Variants in CFAP92 observed in about 807,000 individuals in gnomAD.
The protein encoded by CFAP92 is cilia and flagella associated protein 92 (putative), also known as uncharacterized protein CFAP92.
CFAP92 carries 86 observed loss-of-function variants against 106.3 expected under a neutral mutation model. The observed-to-expected ratio is 0.81, with a 90% CI of 0.68 to 0.97. The LOEUF (loss-of-function observed/expected upper bound fraction) is 0.97, where lower values mean the gene tolerates loss of function less well. CFAP92 is among the 50% of genes least tolerant of loss of function. The pLI, the probability that CFAP92 is intolerant of heterozygous loss-of-function variation, is 0.00. For missense variants in CFAP92, 1,204 were observed against 1,283.8 expected, an observed-to-expected ratio of 0.94 and a Z score of 0.95; for synonymous variants, 477 against 506.4, an observed-to-expected ratio of 0.94 and a Z score of 0.78.
At chr3:128,912,834 G>A in intron 15 of CFAP92, 1 of 690,990 alleles carries the variant, frequency 1.4e-6, no homozygotes, top group African/African-American at 1.7e-5. Flanking sequence ...GAGCCGGAGA[G>A]AGAGAATGGA....
At chr3:129,012,293 G>T in the CFAP92 span, among the ~76,000 whole-genome samples, 1 of 152,188 alleles carries the variant, frequency 6.6e-6, no homozygotes, top group Non-Finnish European at 1.5e-5. Flanking sequence ...TTAGAATGAT[G>T]CCTGGCACAT....
chr3:128,945,575 G>T lies in CFAP92; in HGVS notation c.1754C>A (p.Pro585His), dbSNP rs1325111175. 6.5e-7 allele frequency: 1 copy of T among 1,536,008 alleles called. No homozygotes were observed. The highest frequency in any genetic ancestry group is 2.4e-5 in the East Asian group (1 of 40,922). Reference sequence around the variant, plus strand: ...GGGCTGAACCTCACAGCTGTGGATGGGGACGGCCAGATTCAAGTACTTGTG... The same window carrying T: ...GGGCTGAACCTCACAGCTGTGGATGTGGACGGCCAGATTCAAGTACTTGTG... ...LGHKYLNLAV[P>H]IHSCEVQPTH... Residue 585 changes from proline (P) to histidine (H), a missense_variant, in exon 10 of 16, where the codon CCC (proline) becomes CAC (histidine). By Grantham distance (77) the Pro-to-His change is moderately conservative. Coordinates refer to ENST00000645291, the MANE Select transcript of CFAP92 (RefSeq NM_001394090.1).
the CFAP92 span, among the ~76,000 whole-genome samples, chr3:129,026,104 A>T: frequency 6.6e-5 from 10 of 152,250 alleles, no homozygotes; most frequent in Non-Finnish European, 1.2e-4. Context: ...GGTTTTCATG[A>T]GGAAGATGTT....
chr3:128,912,531 A>G (rs762053914), intron 15 of CFAP92: 2 of 1,613,988 alleles, frequency 1.2e-6, no homozygotes, highest in East Asian at 2.2e-5. Context: ...CTAGATGAGC[A>G]GATTAAGAAA....
chr3:128,980,692 T>C (rs553531496), intron 4 of CFAP92, among the ~76,000 whole-genome samples: 4 of 152,364 alleles, frequency 2.6e-5, no homozygotes, highest in East Asian at 1.9e-4. Context: ...ATTTCAACAA[T>C]GTTCACAGCC....
At position 128,910,032 on chromosome 3, in the gene CFAP92, G is replaced by T; in HGVS notation, c.*267C>A. 6.2e-7 allele frequency: 1 copy of T among 1,613,702 alleles called. No individual in the cohort carries two copies. On this transcript the variant is annotated 3_prime_UTR_variant, in exon 16 of 16. Transcript: ENST00000645291. ...CTCTGTGATCCCAGACCATCATGGA[G>T]GAGCAGCTGGTACTGAAGCGGGTGG...
At chr3:128,913,028 C>G (rs1345914934) in intron 15 of CFAP92, 5 of 457,612 alleles carry the variant, frequency 1.1e-5, no homozygotes, top group Non-Finnish European at 2.2e-5. Flanking sequence ...CTGGGTCATT[C>G]ATTTAAACTA....
the CFAP92 span, among the ~76,000 whole-genome samples, chr3:129,017,734 AGGGATAATCCCGTCT>A: frequency 7.1e-6 from 1 of 139,968 alleles, no homozygotes; most frequent in Non-Finnish European, 1.5e-5. Flanking sequence ...GTGATTAGAC[AGGGATAATCCCGTCT>A]TCTGGTCAGC....
chr3:129,024,741 G>A, the CFAP92 span, among the ~76,000 whole-genome samples: 1 of 152,040 alleles, frequency 6.6e-6, no homozygotes, highest in African/African-American at 2.4e-5. Context: ...GGATCCACTC[G>A]TGAGGGCAGA....
chr3:128,930,968 G>A (rs551407456), intron 12 of CFAP92, among the ~76,000 whole-genome samples: 12 of 152,014 alleles, frequency 7.9e-5, no homozygotes, highest in African/African-American at 2.4e-4. Flanking sequence ...ATGCAGTGGC[G>A]CGATCTTGGC....
In CFAP92 at chr3:128,925,562, G is replaced by T. The variant is rs1937590018; in HGVS notation, c.2751+7138C>A. Among the ~76,000 whole-genome samples the T allele has an allele frequency of 2.6e-5, 4 of 152,312 alleles. No individual in the cohort carries two copies. In the South Asian group the frequency reaches 8.3e-4, roughly 32 times the overall value. ...AGTATGAGATGTATAAGTAATATCA[G>T]ATGCAGATCATGGTGAAAATATCTA... On this transcript the variant is annotated intron_variant, in intron 12 of 15. Coordinates refer to ENST00000645291, the MANE Select transcript of CFAP92 (RefSeq NM_001394090.1).
chr3:128,943,920 GT>G (rs768570835), intron 10 of CFAP92, among the ~76,000 whole-genome samples: 27,594 of 110,402 alleles, frequency 0.25, 3,227 homozygotes, highest in East Asian at 0.57. Context: ...TATTTCCCCC[GT>G]TTTTTTTTTT....
rs555050478 is a variant in CFAP92, at chr3:128,957,759, C to A, written c.1353+7752G>T. Among the ~76,000 whole-genome samples the A allele has an allele frequency of 4.0e-4, 61 of 152,284 alleles. 1 individual carries two copies. Among genetic ancestry groups the A allele is most frequent in the African/African-American group, 1.4e-3 (60 of 41,558 alleles). ...ATTATCCTGGAGTGGGGGAGAAGGCCAGTCTCAAAAGGTCACATGCTGGAT... is the reference window on the plus strand; with the variant it reads ...ATTATCCTGGAGTGGGGGAGAAGGCAAGTCTCAAAAGGTCACATGCTGGAT... On this transcript the variant is annotated intron_variant, in intron 9 of 15. Transcript: ENST00000645291.
chr3:128,939,505 C>T (rs978206198), intron 10 of CFAP92, among the ~76,000 whole-genome samples: 1 of 152,052 alleles, frequency 6.6e-6, no homozygotes, highest in Non-Finnish European at 1.5e-5. Flanking sequence ...AAGTATAATT[C>T]AATAGTTTTT....
chr3:128,932,244 ACAGCACCAGCCTTCTACCCCCT>A, intron 12 of CFAP92, among the ~76,000 whole-genome samples: 1 of 152,104 alleles, frequency 6.6e-6, no homozygotes, highest in Non-Finnish European at 1.5e-5. Flanking sequence ...TTCAGGCCAC[ACAGCACCAGCCTTCTACCCCCT>A]CACCAGCTTC....
In CFAP92 at chr3:128,915,125, C is replaced by T. The variant is rs149770595; in HGVS notation, c.3274G>A (p.Val1092Ile). 2.1e-5 allele frequency: 32 copies of T among 1,535,886 alleles called. 1 individual carries two copies. In the East Asian group the frequency reaches 7.6e-4, roughly 36 times the overall value. ...ELLPSPAPKP[V>I]TVRKKKGNSP... Reference sequence around the variant, plus strand: ...GCAAACCCTTGCCTGTTACCTGTTACAGGCTTTGGTGCGGGCGAAGGGAGC... The same window carrying T: ...GCAAACCCTTGCCTGTTACCTGTTATAGGCTTTGGTGCGGGCGAAGGGAGC... Residue 1092 changes from valine (V) to isoleucine (I), a missense_variant, in exon 15 of 16, where the codon GTA becomes ATA. Coordinates refer to ENST00000645291, the MANE Select transcript of CFAP92 (RefSeq NM_001394090.1).
rs1936725819 is a variant in CFAP92, at chr3:128,915,378, T to C, written c.3102A>G (p.Pro1034=). The part of the protein sequence containing the change: ...TESSFQDLKL[P]PIKELNEEWK... ...GGACCTCATTCAGCTCTTTGATGGG[T>C]GGCAGCTTGAGATCCTGAAAGCTGC... Residue 1034 remains proline, a synonymous_variant, in exon 14 of 16, where the codon CCA becomes CCG. Transcript: ENST00000645291. The C allele has an allele frequency of 6.5e-7, 1 of 1,536,132 alleles. No homozygotes were observed. The highest frequency in any genetic ancestry group is 8.7e-7 in the Non-Finnish European group (1 of 1,146,924).
chr3:129,002,189 C>A, intron 1 of CFAP92: 1 of 1,497,692 alleles, frequency 6.7e-7, no homozygotes, highest in South Asian at 1.3e-5. Flanking sequence ...GCCCGCCCTG[C>A]GCGCCTGGCC....
chr3:129,022,944 G>A, the CFAP92 span, among the ~76,000 whole-genome samples: 1 of 152,238 alleles, frequency 6.6e-6, no homozygotes, highest in Non-Finnish European at 1.5e-5. Context: ...GAGCTGAGAA[G>A]TCTCCAACTT....
Sources: gnomAD v4.1 joint callset for allele counts (sites outside exome capture counted in the v4.1 genomes callset) on GRCh38, gnomAD v4.1.1 for gene constraint, MANE v1.5 for transcripts, NCBI Gene and HGNC (gene_info 2026-07-23, HGNC 2026-07-21) for gene names.